ZPBP2: variants seen among roughly 807,000 people sequenced by gnomAD.
The protein encoded by ZPBP2 is zona pellucida binding protein 2.
ZPBP2 carries 34 observed loss-of-function variants against 37.5 expected under a neutral mutation model. The observed-to-expected ratio is 0.91, with a 90% CI of 0.69 to 1.21. ZPBP2 has a LOEUF of 1.21. Ranked by LOEUF, ZPBP2 falls within the 50% of genes most tolerant of loss-of-function variation. The pLI, the probability that ZPBP2 is intolerant of heterozygous loss-of-function variation, is 0.00. For missense variants in ZPBP2, 397 were observed against 413.5 expected (o/e 0.96, Z 0.35); for synonymous variants, 143 against 138.4 (o/e 1.03, Z -0.23).
chr17:39,873,808 G>A (rs1382548571), intron 6 of ZPBP2, among the ~76,000 whole-genome samples: 1 of 151,900 alleles, frequency 6.6e-6, no homozygotes, highest in Admixed American at 6.6e-5. Context: ...AGAGGCAAAG[G>A]ACATAGTCTT....
At chr17:39,870,876 C>T in intron 3 of ZPBP2, 57 bp downstream of exon 3, 1 of 1,306,442 alleles carries the variant, frequency 7.7e-7, no homozygotes, top group Non-Finnish European at 1.0e-6. Flanking sequence ...TTTAGAAAAT[C>T]ACTGTTACTT....
intron 2 of ZPBP2, 49 bp from the exon 3 acceptor site, chr17:39,870,645 T>G (rs552358741): frequency 2.6e-6 from 3 of 1,141,286 alleles, no homozygotes; most frequent in Non-Finnish European, 3.5e-6. Flanking sequence ...TATTTCTTAA[T>G]TTAATTTTGC....
chr17:39,869,525 C>G (rs2063352231), intron 2 of ZPBP2, among the ~76,000 whole-genome samples: 1 of 151,014 alleles, frequency 6.6e-6, no homozygotes, highest in Non-Finnish European at 1.5e-5. Context: ...CTGCCTCAGC[C>G]TCCCTAGTGG....
intron 6 of ZPBP2, among the ~76,000 whole-genome samples, chr17:39,874,185 G>A (rs976037959): frequency 6.6e-6 from 1 of 151,774 alleles, no homozygotes; most frequent in African/African-American, 2.4e-5. Context: ...CAGAGACGGG[G>A]TTTCACCATG....
At chr17:39,872,233 G>T (rs1279240834) in intron 4 of ZPBP2, 37 bp from the exon 5 acceptor site, 1 of 1,505,216 alleles carries the variant, frequency 6.6e-7, no homozygotes, top group Non-Finnish European at 9.0e-7. Flanking sequence ...TGCTAGGTAC[G>T]ATTGTTTTCA....
Position 39,870,718 on chromosome 17 carries a change from A to C in ZPBP2, c.143A>C (p.Gln48Pro). ...QPDKIYVELHQNSPVLICMDF... is the reference protein window; with the variant it reads ...QPDKIYVELHPNSPVLICMDF... Reference sequence around the variant, plus strand: ...GACAAAATATATGTAGAGTTACATCAAAATAGTCCAGTCCTTATCTGTATG... The same window carrying C: ...GACAAAATATATGTAGAGTTACATCCAAATAGTCCAGTCCTTATCTGTATG... The change falls in exon 3 of 8, where the codon CAA becomes CCA. Residue 48 changes from glutamine to proline, a missense_variant. By Grantham distance (76) the Gln-to-Pro change is moderately conservative. Coordinates refer to ENST00000348931, the MANE Select transcript of ZPBP2 (RefSeq NM_199321.3). 6.8e-7 allele frequency: 1 copy of C among 1,477,848 alleles called. No homozygotes were observed. Among genetic ancestry groups the C allele is most frequent in the Non-Finnish European group, 9.2e-7 (1 of 1,092,718 alleles). 91.5% of individuals were successfully genotyped at this position (1,477,848 alleles called of 1,614,324 possible). A position where few individuals can be genotyped will look rare whatever the true frequency, so the allele number is the denominator to read the frequency against.
intron 2 of ZPBP2, 27 bp from the exon 3 acceptor site, chr17:39,870,667 G>C (rs2063360746): frequency 1.6e-6 from 2 of 1,282,984 alleles, no homozygotes; most frequent in Non-Finnish European, 1.1e-6. Flanking sequence ...ATATAATGTA[G>C]TTATACATTA....
At chr17:39,870,112 C>T (rs963301115) in intron 2 of ZPBP2, among the ~76,000 whole-genome samples, 3 of 152,064 alleles carry the variant, frequency 2.0e-5, no homozygotes, top group Admixed American at 2.0e-4. Context: ...GGTGCACTCT[C>T]GGCTCACTGC....
intron 2 of ZPBP2, among the ~76,000 whole-genome samples, chr17:39,870,146 C>T (rs1812209826): frequency 6.6e-6 from 1 of 152,168 alleles, no homozygotes; most frequent in African/African-American, 2.4e-5. Context: ...CGGGTTCAAG[C>T]AAGTCTCCTC....
intron 6 of ZPBP2, 37 bp from the exon 7 acceptor site, chr17:39,875,217 A>C: frequency 6.3e-7 from 1 of 1,580,834 alleles, no homozygotes; most frequent in South Asian, 1.2e-5. Context: ...TTCATGGTTT[A>C]GTAATTGTAC....
At position 39,868,629 on chromosome 17, in the gene ZPBP2, T is replaced by TGCACACGCGGGCC; in HGVS notation, c.118+16_118+28dup. 1 of 1,614,046 alleles carries TGCACACGCGGGCC rather than the reference T, an allele frequency of 6.2e-7. No homozygotes were observed. Among genetic ancestry groups the TGCACACGCGGGCC allele is most frequent in the Non-Finnish European group, 8.5e-7 (1 of 1,179,908 alleles). On this transcript the variant is annotated intron_variant, in intron 2 of 7. Transcript: ENST00000348931. ...AGGACAGCCAGGTAATAAGGGCCTC[T>TGCACACGCGGGCC]GCACACGCGGGCCCATTGGAGGGGC...
Position 39,868,604 on chromosome 17 carries a change from A to G in ZPBP2, c.108A>G (p.Thr36=), listed in dbSNP as rs1485645966. The stretch of plus-strand genomic sequence containing the variant: ...AGAAGGGCTTCATTTATGGCAAGAC[A>G]GGACAGCCAGGTAATAAGGGCCTCT... ...FNKKGFIYGK[T]GQPDKIYVEL... The change falls in exon 2 of 8, where the codon ACA becomes ACG. Residue 36 remains threonine (T), a synonymous_variant. Coordinates refer to ENST00000348931, the MANE Select transcript of ZPBP2 (RefSeq NM_199321.3). The G allele has an allele frequency of 6.2e-7, 1 of 1,614,060 alleles. No individual in the cohort carries two copies. Among genetic ancestry groups the G allele is most frequent in the African/African-American group, 1.3e-5 (1 of 74,924 alleles).
Position 39,868,212 on chromosome 17 carries a change from T to G in ZPBP2, c.-143T>G. 1 of 869,618 alleles carries G rather than the reference T, an allele frequency of 1.1e-6. No homozygotes were observed. 53.9% of individuals were successfully genotyped at this position (869,618 alleles called of 1,614,324 possible). A position where few individuals can be genotyped will look rare whatever the true frequency, so the allele number is the denominator to read the frequency against. ...CGCACGCGTTCTCCTGCGCGTCCGC[T>G]CCCGCCGTTGCGACGGACGGGTAGG... On this transcript the variant is annotated 5_prime_UTR_variant, in exon 1 of 8. Coordinates refer to ENST00000348931, the MANE Select transcript of ZPBP2 (RefSeq NM_199321.3).
At chr17:39,871,656 A>G in intron 4 of ZPBP2, 31 bp downstream of exon 4, 1 of 1,490,284 alleles carries the variant, frequency 6.7e-7, no homozygotes, top group South Asian at 1.4e-5. Flanking sequence ...TAACTTATAC[A>G]TTTAGTTTGG....
chr17:39,871,105 T>C (rs1193064573), intron 3 of ZPBP2, among the ~76,000 whole-genome samples: 2 of 152,134 alleles, frequency 1.3e-5, no homozygotes, highest in African/African-American at 2.4e-5. Context: ...ATGAAATAAC[T>C]AATATATAAT....
In ZPBP2 at chr17:39,868,346, C is replaced by G. The variant is rs766098753; in HGVS notation, c.-9C>G. On this transcript the variant is annotated 5_prime_UTR_variant, in exon 1 of 8. Coordinates refer to ENST00000348931, the MANE Select transcript of ZPBP2 (RefSeq NM_199321.3). The stretch of plus-strand genomic sequence containing the variant: ...CCTCGACGCCTCCTGCGACGCCAGC[C>G]CCTGAGCGATGATGCGAACGTGCGT... 2 of 1,608,368 alleles carry G rather than the reference C, an allele frequency of 1.2e-6. No individual in the cohort carries two copies. The highest frequency in any genetic ancestry group is 1.7e-6 in the Non-Finnish European group (2 of 1,179,908).
intron 7 of ZPBP2, among the ~76,000 whole-genome samples, chr17:39,875,927 G>A (rs2063388585): frequency 1.1e-5 from 1 of 87,974 alleles, no homozygotes; most frequent in Non-Finnish European, 2.2e-5. Context: ...GATGGAGTCT[G>A]GCTCTGTTAC....
chr17:39,873,016 G>A (rs753321198), intron 5 of ZPBP2, 28 bp from the exon 6 acceptor site: 114 of 1,602,506 alleles, frequency 7.1e-5, no homozygotes, highest in Non-Finnish European at 8.5e-5. Context: ...GAATCCCTTT[G>A]TGAGTCTATC....
intron 6 of ZPBP2, among the ~76,000 whole-genome samples, chr17:39,873,671 C>T (rs550118319): frequency 6.6e-6 from 1 of 152,020 alleles, no homozygotes; most frequent in Non-Finnish European, 1.5e-5. Context: ...TCTTTGTTCC[C>T]CAAATGATGA....
Sources: gnomAD v4.1 joint callset for allele counts (sites outside exome capture counted in the v4.1 genomes callset) on GRCh38, gnomAD v4.1.1 for gene constraint, MANE v1.5 for transcripts, NCBI Gene and HGNC (gene_info 2026-07-23, HGNC 2026-07-21) for gene names.